The following ADGRL2 variants were observed in gnomAD, a reference collection of about 807,000 sequenced individuals.
The protein encoded by ADGRL2 is adhesion G protein-coupled receptor L2.
In ADGRL2, 44 loss-of-function variants were observed where a neutral mutation model predicts 157.4. That is an observed-to-expected ratio of 0.28 (90% CI 0.22 to 0.36). The LOEUF is 0.36. Ranked by LOEUF, ADGRL2 falls within the 10% of genes least tolerant of loss-of-function variation. ADGRL2 has a pLI of 1.00. For synonymous variants in ADGRL2, 585 were observed against 624.7 expected, an observed-to-expected ratio of 0.94 and a Z score of 0.95; for missense variants, 1,510 against 1,768.9, an observed-to-expected ratio of 0.85 and a Z score of 2.63.
intron 1 of ADGRL2, among the ~76,000 whole-genome samples, chr1:81,400,394 T>G (rs1416256267): frequency 6.6e-6 from 1 of 152,102 alleles, no homozygotes; most frequent in Non-Finnish European, 1.5e-5. Context: ...AGAGCCAGGA[T>G]CTGTGACTCT....
At chr1:81,748,467 C>CAAAAAAAAAA (rs973818702) in intron 1 of ADGRL2, among the ~76,000 whole-genome samples, 1 of 42,408 alleles carries the variant, frequency 2.4e-5, no homozygotes, top group East Asian at 8.7e-4. Context: ...GATTCCGTCT[C>CAAAAAAAAAA]AAAAAAAAAA....
At chr1:81,453,885 A>G (rs2077748985) in intron 2 of ADGRL2, among the ~76,000 whole-genome samples, 2 of 152,204 alleles carry the variant, frequency 1.3e-5, no homozygotes, top group Non-Finnish European at 2.9e-5. Flanking sequence ...ATGAGCTTGC[A>G]AAGACATGCA....
chr1:81,881,508 G>T (rs1162486823), intron 2 of ADGRL2, among the ~76,000 whole-genome samples: 1 of 152,160 alleles, frequency 6.6e-6, no homozygotes, highest in African/African-American at 2.4e-5. Context: ...GTTCATGTTT[G>T]AAATTGTTTA....
At chr1:81,464,545 A>AATTCTTTCT (rs1195005500) in intron 2 of ADGRL2, among the ~76,000 whole-genome samples, 1 of 152,158 alleles carries the variant, frequency 6.6e-6, no homozygotes, top group East Asian at 1.9e-4. Context: ...TGTCAGCCTG[A>AATTCTTTCT]ATTCTTTCTC....
intron 1 of ADGRL2, among the ~76,000 whole-genome samples, chr1:81,417,253 C>G (rs2077048586): frequency 6.6e-6 from 1 of 151,992 alleles, no homozygotes; most frequent in Non-Finnish European, 1.5e-5. Context: ...TTTAAAAACT[C>G]ACATTTTAAT....
chr1:81,412,096 A>C (rs2076955586), intron 1 of ADGRL2, among the ~76,000 whole-genome samples: 1 of 152,156 alleles, frequency 6.6e-6, no homozygotes, highest in Admixed American at 6.5e-5. Flanking sequence ...AAATTCACAT[A>C]ATACTCACTA....
intron 1 of ADGRL2, among the ~76,000 whole-genome samples, chr1:81,330,965 C>T (rs1180509638): frequency 6.6e-6 from 1 of 152,176 alleles, no homozygotes; most frequent in African/African-American, 2.4e-5. Context: ...CTGATAAGTA[C>T]ATATGTGACT....
At chr1:81,619,723 G>T (rs888984071) in intron 3 of ADGRL2, among the ~76,000 whole-genome samples, 1 of 101,996 alleles carries the variant, frequency 9.8e-6, no homozygotes, top group East Asian at 3.0e-4. Context: ...TAAAAGAGGG[G>T]TGTGTGTATG....
chr1:81,446,470 A>G (rs554201018), intron 2 of ADGRL2, among the ~76,000 whole-genome samples: 1 of 152,320 alleles, frequency 6.6e-6, no homozygotes, highest in East Asian at 1.9e-4. Context: ...AGATTTGCCA[A>G]TAGTCCATGT....
chr1:81,791,886 G>A (rs191218273), intron 2 of ADGRL2, among the ~76,000 whole-genome samples: 2 of 152,312 alleles, frequency 1.3e-5, no homozygotes, highest in African/African-American at 4.8e-5. Context: ...ATTTTGTGAA[G>A]TAATAGTCTG....
At chr1:81,435,608 T>TA (rs1486201641) in intron 1 of ADGRL2, among the ~76,000 whole-genome samples, 1 of 152,242 alleles carries the variant, frequency 6.6e-6, no homozygotes, top group East Asian at 1.9e-4. Context: ...ATCGGGACTA[T>TA]ATATATTTAA....
At chr1:81,596,124 G>T in intron 3 of ADGRL2, 5 of 404,418 alleles carry the variant, frequency 1.2e-5, no homozygotes, top group East Asian at 5.5e-5. Context: ...TTTAACAACT[G>T]GTAATCAATT....
At chr1:81,930,888 T>C (rs1264122660) in intron 3 of ADGRL2, among the ~76,000 whole-genome samples, 8 of 152,090 alleles carry the variant, frequency 5.3e-5, no homozygotes, top group Admixed American at 4.6e-4. Flanking sequence ...TCCCTGCACT[T>C]TGGGAGGCCA....
chr1:81,372,591 GATTA>G lies in ADGRL2; in HGVS notation c.-302+66091_-302+66094del, dbSNP rs375011753. Among the ~76,000 whole-genome samples, 581 of 152,198 alleles carry G rather than the reference GATTA, an allele frequency of 3.8e-3. 10 individuals are homozygous for G. The highest frequency in any genetic ancestry group is 0.031 in the East Asian group (160 of 5,178). The stretch of plus-strand genomic sequence containing the variant: ...TTGGCTTCCTTTGCTTATGGCTCTT[GATTA>G]ATTAATTAGTTGATTAGTTTATTTT... On this transcript the variant is annotated intron_variant, in intron 1 of 24. Transcript: ENST00000370721.
At chr1:81,399,085 T>A (rs1199497448) in intron 1 of ADGRL2, among the ~76,000 whole-genome samples, 2 of 152,052 alleles carry the variant, frequency 1.3e-5, no homozygotes, top group Non-Finnish European at 2.9e-5. Flanking sequence ...ACAATCATGG[T>A]GGAAGGTGAA....
chr1:81,815,287 C>T (rs2090285133), intron 1 of ADGRL2, among the ~76,000 whole-genome samples: 1 of 151,748 alleles, frequency 6.6e-6, no homozygotes, highest in African/African-American at 2.4e-5. Context: ...GAGGCCTTAA[C>T]TAAAAAGTTA....
chr1:81,340,703 A>G (rs894866371), intron 1 of ADGRL2, among the ~76,000 whole-genome samples: 2 of 152,206 alleles, frequency 1.3e-5, no homozygotes, highest in Non-Finnish European at 2.9e-5. Flanking sequence ...CACACCAGAT[A>G]AGAAAGTGGT....
At chr1:81,383,387 T>C (rs2076375532) in intron 1 of ADGRL2, among the ~76,000 whole-genome samples, 1 of 151,576 alleles carries the variant, frequency 6.6e-6, no homozygotes, top group South Asian at 2.1e-4. Flanking sequence ...TTCCATAAAG[T>C]GGGAGGGAGG....
At chr1:81,879,761 T>C (rs181560654) in intron 2 of ADGRL2, among the ~76,000 whole-genome samples, 2 of 152,074 alleles carry the variant, frequency 1.3e-5, no homozygotes, top group Admixed American at 1.3e-4. Flanking sequence ...CCTGTAATCC[T>C]AGCACTTTGG....
Sources: gnomAD v4.1 joint callset for allele counts (sites outside exome capture counted in the v4.1 genomes callset) on GRCh38, gnomAD v4.1.1 for gene constraint, MANE v1.5 for transcripts, NCBI Gene and HGNC (gene_info 2026-07-23, HGNC 2026-07-21) for gene names.